Variants in SLC35D1 observed in about 807,000 individuals in gnomAD.
SLC35D1 encodes the protein nucleotide sugar transporter SLC35D1.
In SLC35D1, 31 loss-of-function variants were observed where a neutral mutation model predicts 46.7. The observed-to-expected ratio is 0.66, with a 90% CI of 0.50 to 0.90. The LOEUF (loss-of-function observed/expected upper bound fraction) is 0.90. SLC35D1 is among the 40% of genes least tolerant of loss of function. The pLI, the probability that SLC35D1 is intolerant of heterozygous loss-of-function variation, is 0.00. For synonymous variants in SLC35D1, 195 were observed against 164.6 expected (o/e 1.18, Z -1.41); for missense variants, 397 against 426.2 (o/e 0.93, Z 0.60).
chr1:67,051,001 T>A (rs538341309), intron 4 of SLC35D1, among the ~76,000 whole-genome samples: 2 of 152,344 alleles, frequency 1.3e-5, no homozygotes, highest in East Asian at 3.9e-4. Context: ...ATATATCTTA[T>A]CTCACTCCAA....
At chr1:66,983,782 C>T in the SLC35D1 span, among the ~76,000 whole-genome samples, 1 of 152,172 alleles carries the variant, frequency 6.6e-6, no homozygotes, top group East Asian at 1.9e-4. Flanking sequence ...GGCTGGAATG[C>T]AGTGGCACAA....
the SLC35D1 span, chr1:66,976,594 G>A: frequency 6.4e-7 from 1 of 1,573,948 alleles, no homozygotes; most frequent in Non-Finnish European, 8.6e-7. Flanking sequence ...GTTTCTTACA[G>A]GTCCGAACAA....
chr1:67,006,105 C>T (rs949907679), intron 11 of SLC35D1, among the ~76,000 whole-genome samples: 1 of 152,134 alleles, frequency 6.6e-6, no homozygotes, highest in Non-Finnish European at 1.5e-5. Flanking sequence ...CCGCCTCTAC[C>T]TCCCTAAGAG....
At chr1:67,051,797 CA>C in intron 4 of SLC35D1, among the ~76,000 whole-genome samples, 1 of 89,068 alleles carries the variant, frequency 1.1e-5, no homozygotes, top group African/African-American at 4.7e-5. Context: ...GGTAAAAAAA[CA>C]AAAACAAAAA....
chr1:67,050,398 A>T (rs769252461), intron 5 of SLC35D1, 35 bp downstream of exon 5: 69 of 1,497,060 alleles, frequency 4.6e-5, no homozygotes, highest in Non-Finnish European at 6.0e-5. Flanking sequence ...TTTCAAGGTG[A>T]TTTAAAGAAC....
chr1:67,038,064 A>C (rs567705207), intron 8 of SLC35D1, among the ~76,000 whole-genome samples: 2 of 152,324 alleles, frequency 1.3e-5, no homozygotes, highest in South Asian at 2.1e-4. Context: ...AGTGTCAGTC[A>C]AATAATATAC....
At chr1:67,018,265 G>A (rs1667725938) in intron 10 of SLC35D1, among the ~76,000 whole-genome samples, 1 of 152,098 alleles carries the variant, frequency 6.6e-6, no homozygotes, top group South Asian at 2.1e-4. Context: ...AAGGCTAGCA[G>A]GCAACTTAGG....
intron 10 of SLC35D1, among the ~76,000 whole-genome samples, chr1:67,012,059 T>C (rs1667576572): frequency 6.6e-6 from 1 of 152,204 alleles, no homozygotes; most frequent in Non-Finnish European, 1.5e-5. Context: ...TCTGGGGGCA[T>C]GATTTTTGAG....
At chr1:66,989,900 G>A in the SLC35D1 span, among the ~76,000 whole-genome samples, 1 of 152,240 alleles carries the variant, frequency 6.6e-6, no homozygotes, top group Non-Finnish European at 1.5e-5. Flanking sequence ...TCTAGATTTA[G>A]GTTAAGAGCT....
In SLC35D1 at chr1:67,021,694, A is replaced by AACACAG. The variant is rs66866662; in HGVS notation, c.730-98_730-93dup. On this transcript the variant is annotated intron_variant, in intron 8 of 11. Coordinates refer to ENST00000235345, the MANE Select transcript of SLC35D1 (RefSeq NM_015139.3). ...TAAATCCTTCTACGAGTCTGCCTCC[A>AACACAG]ACACAGACACAGACACAGACACAGA... 4.3e-5 allele frequency: 13 copies of AACACAG among 299,388 alleles called. 1 individual carries two copies. The highest frequency in any genetic ancestry group is 7.6e-5 in the South Asian group (2 of 26,378). 18.5% of individuals were successfully genotyped at this position (299,388 alleles called of 1,614,324 possible).
chr1:66,997,340 C>T (rs183172452), downstream of SLC35D1, among the ~76,000 whole-genome samples: 334 of 151,172 alleles, frequency 2.2e-3, no homozygotes, highest in Middle Eastern at 0.01. Flanking sequence ...AGCAAAACCC[C>T]GTCTCTACAA....
intron 9 of SLC35D1, 55 bp from the exon 10 acceptor site, chr1:67,020,502 G>T (rs944390641): frequency 2.4e-6 from 3 of 1,270,524 alleles, no homozygotes; most frequent in African/African-American, 1.5e-5. Context: ...CTAATCTCTA[G>T]CCAAGATAAA....
Position 67,009,069 on chromosome 1 carries a change from A to G in SLC35D1, c.959+16T>C. 3 of 1,276,836 alleles carry G rather than the reference A, an allele frequency of 2.3e-6. No homozygotes were observed. Among genetic ancestry groups the G allele is most frequent in the Non-Finnish European group, 3.4e-6 (3 of 878,302 alleles). 79.1% of individuals were successfully genotyped at this position (1,276,836 alleles called of 1,614,324 possible). ...CCAATTCCGATTTTGCAATTTAATT[A>G]AATATTTTTACTTACCTGATATTTA... On this transcript the variant is annotated intron_variant, in intron 11 of 11. Coordinates refer to ENST00000235345, the MANE Select transcript of SLC35D1 (RefSeq NM_015139.3).
the SLC35D1 span, among the ~76,000 whole-genome samples, chr1:66,974,425 G>GTT: frequency 5.8e-4 from 87 of 148,812 alleles, no homozygotes; most frequent in African/African-American, 2.1e-3. Flanking sequence ...TTTGGATGAG[G>GTT]TTTTTTTTTT....
chr1:67,008,492 C>A, intron 11 of SLC35D1: 1 of 1,283,436 alleles, frequency 7.8e-7, no homozygotes, highest in Non-Finnish European at 1.0e-6. Flanking sequence ...GTTCCTGAGA[C>A]AGGGGCCTTG....
chr1:66,978,864 A>G, the SLC35D1 span, among the ~76,000 whole-genome samples: 2 of 152,190 alleles, frequency 1.3e-5, no homozygotes, highest in African/African-American at 2.4e-5. Context: ...CAAATGTTCT[A>G]ATTTCTCTAT....
chr1:66,980,577 C>T, the SLC35D1 span, among the ~76,000 whole-genome samples: 1 of 152,318 alleles, frequency 6.6e-6, no homozygotes, highest in Admixed American at 6.5e-5. Flanking sequence ...TTCCTCAGAG[C>T]TTCCACTGTT....
the SLC35D1 span, among the ~76,000 whole-genome samples, chr1:66,990,333 G>A: frequency 1.3e-5 from 2 of 152,152 alleles, no homozygotes; most frequent in African/African-American, 4.8e-5. Flanking sequence ...GGAGTGCAGT[G>A]GTATGATCAC....
chr1:66,978,196 C>CAA, the SLC35D1 span, among the ~76,000 whole-genome samples: 9 of 91,378 alleles, frequency 9.8e-5, no homozygotes, highest in Admixed American at 4.4e-4. Flanking sequence ...ACTCCATCTC[C>CAA]AAAAAAAAAA....
Sources: gnomAD v4.1 joint callset for allele counts (sites outside exome capture counted in the v4.1 genomes callset) on GRCh38, gnomAD v4.1.1 for gene constraint, MANE v1.5 for transcripts, NCBI Gene and HGNC (gene_info 2026-07-23, HGNC 2026-07-21) for gene names.